TSEN2: variants seen among roughly 807,000 people sequenced by gnomAD.
TSEN2 encodes the protein tRNA-splicing endonuclease subunit Sen2.
A neutral mutation model predicts 59.2 loss-of-function variants in TSEN2; 54 were observed. The ratio of observed to expected loss-of-function variants is 0.91; its 90% CI spans 0.73 to 1.14. The LOEUF (loss-of-function observed/expected upper bound fraction) is 1.14, where lower values mean the gene tolerates loss of function less well. TSEN2 is among the 50% of genes most tolerant of loss of function. The pLI is 0.00. For missense variants in TSEN2, 636 were observed against 576.2 expected, an observed-to-expected ratio of 1.10 and a Z score of -1.06; for synonymous variants, 195 against 198.2, an observed-to-expected ratio of 0.98 and a Z score of 0.14.
At position 12,503,417 on chromosome 3, in the gene TSEN2, C is replaced by T. The variant is rs566402969; in HGVS notation, c.464C>T (p.Ser155Phe). 2 of 1,614,184 alleles carry T rather than the reference C, an allele frequency of 1.2e-6. No individual in the cohort carries two copies. The highest frequency in any genetic ancestry group is 1.7e-4 in the Middle Eastern group (1 of 6,060). ...GCTCAAGTGCATGACAAGCTTAACT[C>T]TGGAATGGTTTCCAACATGGAAGGC... is the stretch of plus-strand genomic sequence containing the variant. ...EEAQVHDKLNSGMVSNMEGTA... is the reference protein window; with the variant it reads ...EEAQVHDKLNFGMVSNMEGTA... The change falls in exon 5 of 12, where the codon TCT becomes TTT. Residue 155 changes from serine to phenylalanine, a missense_variant. By Grantham distance (155) the Ser-to-Phe change is radical. Transcript: ENST00000284995.
chr3:12,489,728 G>T, intron 1 of TSEN2, 56 bp from the exon 2 acceptor site: 1 of 1,483,730 alleles, frequency 6.7e-7, no homozygotes, highest in Non-Finnish European at 9.2e-7. Context: ...TCACATTTTG[G>T]ATCAAGGTAG....
upstream of TSEN2, among the ~76,000 whole-genome samples, chr3:12,482,191 GA>G (rs2052201099): frequency 6.6e-6 from 1 of 152,126 alleles, no homozygotes; most frequent in African/African-American, 2.4e-5. Context: ...GTGCAATCCC[GA>G]CTCACCACAA....
chr3:12,532,461 C>G (rs2057522731), intron 11 of TSEN2, among the ~76,000 whole-genome samples: 1 of 152,184 alleles, frequency 6.6e-6, no homozygotes, highest in Non-Finnish European at 1.5e-5. Flanking sequence ...AAATCTTTGC[C>G]TGGTGAAAGT....
chr3:12,517,160 TCCTGGCTAA>T (rs2056212745), intron 7 of TSEN2, among the ~76,000 whole-genome samples: 1 of 151,756 alleles, frequency 6.6e-6, no homozygotes. Flanking sequence ...ATCCTGGCTA[TCCTGGCTAA>T]CATGGTGAAA....
At position 12,533,063 on chromosome 3, in the gene TSEN2, C is replaced by T. The variant is rs568302397; in HGVS notation, c.*342C>T. On this transcript the variant is annotated 3_prime_UTR_variant, in exon 12 of 12. Transcript: ENST00000284995. ...AAGAGACATTTATTCTCTGATTTTA[C>T]CTGAAAATGGTAGTAGTTTACATTT... 2.1e-4 allele frequency: 84 copies of T among 393,302 alleles called. No individual in the cohort carries two copies. Among genetic ancestry groups the T allele is most frequent in the Non-Finnish European group, 2.8e-4 (60 of 211,374 alleles). The allele number at this position is 393,302 out of a possible 1,614,324, so 24.4% of individuals were successfully genotyped here.
intron 3 of TSEN2, among the ~76,000 whole-genome samples, chr3:12,496,316 G>C (rs2053743222): frequency 6.6e-6 from 1 of 152,252 alleles, no homozygotes. Context: ...AGACCGATGT[G>C]ATTGATGGGC....
chr3:12,530,892 A>G, intron 10 of TSEN2: 1 of 309,498 alleles, frequency 3.2e-6, no homozygotes, highest in Non-Finnish European at 4.7e-6. Context: ...CCTGCTGTAC[A>G]TCTGTATTAG....
chr3:12,505,288 A>G lies in TSEN2; in HGVS notation c.909+57A>G, dbSNP rs554462481. The G allele has an allele frequency of 9.3e-5, 96 of 1,036,772 alleles. No individual in the cohort carries two copies. In the South Asian group the frequency reaches 9.4e-4, roughly 10 times the overall value. 64.2% of individuals were successfully genotyped at this position (1,036,772 alleles called of 1,614,324 possible). A position where few individuals can be genotyped will look rare whatever the true frequency, so the allele number is the denominator to read the frequency against. ...TCGGTCTCTGGGCCTGAACTACACTATATGTGAACCTACCTCACAGTGTAG... is the reference window on the plus strand; with the variant it reads ...TCGGTCTCTGGGCCTGAACTACACTGTATGTGAACCTACCTCACAGTGTAG... On this transcript the variant is annotated intron_variant, in intron 6 of 11. Transcript: ENST00000284995.
chr3:12,512,969 G>T (rs745695275), intron 6 of TSEN2, among the ~76,000 whole-genome samples: 1 of 152,110 alleles, frequency 6.6e-6, no homozygotes, highest in Non-Finnish European at 1.5e-5. Context: ...TATTAGTACT[G>T]CGAAAGTAAA....
intron 3 of TSEN2, among the ~76,000 whole-genome samples, chr3:12,495,237 A>G (rs1212471896): frequency 2.0e-5 from 3 of 151,740 alleles, no homozygotes; most frequent in Non-Finnish European, 4.4e-5. Flanking sequence ...AGAGTGAGAA[A>G]TTATTTTGAG....
At chr3:12,498,758 G>A (rs1005263830) in intron 4 of TSEN2, among the ~76,000 whole-genome samples, 3 of 152,164 alleles carry the variant, frequency 2.0e-5, no homozygotes, top group South Asian at 2.1e-4. Flanking sequence ...GATGTTACCA[G>A]CACAGTTCTA....
chr3:12,507,444 G>A lies in TSEN2; in HGVS notation c.909+2213G>A, dbSNP rs299653. Among the ~76,000 whole-genome samples, 6 of 152,114 alleles carry A rather than the reference G, an allele frequency of 3.9e-5. No individual in the cohort carries two copies. The East Asian group carries it at 9.7e-4, about 24-fold the overall frequency. ...AACATCTTGTTCATAGGATGTTCTG[G>A]AAATTAAATAATACATGTAATTGGG... On this transcript the variant is annotated intron_variant, in intron 6 of 11. Transcript: ENST00000284995.
chr3:12,489,822 G>T lies in TSEN2; in HGVS notation c.22G>T (p.Ala8Ser). 6.2e-7 allele frequency: 1 copy of T among 1,613,624 alleles called. No homozygotes were observed. Among genetic ancestry groups the T allele is most frequent in the Non-Finnish European group, 8.5e-7 (1 of 1,180,010 alleles). ...AAAAATGGCAGAAGCAGTTTTCCAT[G>T]CCCCAAAGAGGAAAAGAAGAGTGTA... Reference protein sequence around the residue: MAEAVFHAPKRKRRVYET... With the variant: MAEAVFHSPKRKRRVYET... Residue 8 changes from alanine (A) to serine (S), a missense_variant, in exon 2 of 12, where the codon GCC becomes TCC. Physicochemically the swap from Ala to Ser is moderately conservative, Grantham distance 99. Coordinates refer to ENST00000284995, the MANE Select transcript of TSEN2 (RefSeq NM_025265.4).
intron 6 of TSEN2, among the ~76,000 whole-genome samples, chr3:12,507,389 G>T (rs908113725): frequency 6.6e-6 from 1 of 152,126 alleles, no homozygotes; most frequent in African/African-American, 2.4e-5. Flanking sequence ...CAGAACCTCA[G>T]ATTTCTTCTC....
chr3:12,530,142 T>C (rs1204505967), intron 10 of TSEN2: 4 of 1,337,990 alleles, frequency 3.0e-6, no homozygotes, highest in Non-Finnish European at 3.8e-6. Context: ...GGTGATCTGA[T>C]CTGGGTAGGC....
At chr3:12,512,916 C>T (rs2055634923) in intron 6 of TSEN2, among the ~76,000 whole-genome samples, 1 of 152,228 alleles carries the variant, frequency 6.6e-6, no homozygotes, top group Admixed American at 6.5e-5. Context: ...CTACATTTAG[C>T]AGTATGATGT....
intron 6 of TSEN2, among the ~76,000 whole-genome samples, chr3:12,513,275 G>A (rs1457641550): frequency 6.6e-6 from 1 of 152,150 alleles, no homozygotes; most frequent in Non-Finnish European, 1.5e-5. Context: ...TCTCTTATTA[G>A]GCAAGGATGG....
chr3:12,505,510 C>T lies in TSEN2; in HGVS notation c.909+279C>T, dbSNP rs183535862. 152 of 360,506 alleles carry T rather than the reference C, an allele frequency of 4.2e-4. 1 individual carries two copies. The highest frequency in any genetic ancestry group is 2.6e-3 in the African/African-American group (125 of 48,050). The allele number at this position is 360,506 out of a possible 1,614,324, so 22.3% of individuals were successfully genotyped here. On this transcript the variant is annotated intron_variant, in intron 6 of 11. Transcript: ENST00000284995. ...TCATTAAGATTTTAGATTGTTAGGC[C>T]GGGTGCGGGGGCTCACACCTGTGAT...
At chr3:12,509,435 A>G (rs299656) in intron 6 of TSEN2, among the ~76,000 whole-genome samples, 61,397 of 151,970 alleles carry the variant, frequency 0.4, 13,174 homozygotes, top group African/African-American at 0.54. Flanking sequence ...CCTGGCCTCA[A>G]GTGATCTGCC....
Sources: gnomAD v4.1 joint callset for allele counts (sites outside exome capture counted in the v4.1 genomes callset) on GRCh38, gnomAD v4.1.1 for gene constraint, MANE v1.5 for transcripts, NCBI Gene and HGNC (gene_info 2026-07-23, HGNC 2026-07-21) for gene names.